Variants in ZNF407 observed in about 807,000 individuals in gnomAD.
ZNF407 encodes the protein zinc finger protein 407.
Under a neutral mutation model 131.2 loss-of-function variants are expected in ZNF407, and 17 were observed. The ratio of observed to expected loss-of-function variants is 0.13; its 90% CI spans 0.09 to 0.19. The LOEUF (loss-of-function observed/expected upper bound fraction) is 0.19, where lower values mean the gene tolerates loss of function less well. Ranked by LOEUF, ZNF407 falls within the 10% of genes least tolerant of loss-of-function variation. The pLI, the probability that ZNF407 is intolerant of heterozygous loss-of-function variation, is 1.00. For synonymous variants in ZNF407, 1,156 were observed against 1,062.0 expected, an observed-to-expected ratio of 1.09 and a Z score of -1.72; for missense variants, 2,681 against 2,830.6, an observed-to-expected ratio of 0.95 and a Z score of 1.20.
At chr18:74,605,994 T>C (rs1982788704) in intron 1 of ZNF407, among the ~76,000 whole-genome samples, 1 of 152,222 alleles carries the variant, frequency 6.6e-6, no homozygotes. Flanking sequence ...CAGAATAATA[T>C]GTTTCTGTGA....
chr18:74,781,041 A>C (rs979377524), intron 3 of ZNF407, among the ~76,000 whole-genome samples: 1 of 152,150 alleles, frequency 6.6e-6, no homozygotes, highest in African/African-American at 2.4e-5. Context: ...TCCTTTAAAT[A>C]TTTAATAAAA....
intron 3 of ZNF407, among the ~76,000 whole-genome samples, chr18:74,722,158 T>C (rs1299621100): frequency 6.6e-6 from 1 of 152,104 alleles, no homozygotes; most frequent in Non-Finnish European, 1.5e-5. Context: ...TAGATTACTG[T>C]GTTTCATCAA....
chr18:74,999,348 TAAAAAAAAAAAAAA>T (rs71170334), intron 8 of ZNF407, among the ~76,000 whole-genome samples: 2 of 60,450 alleles, frequency 3.3e-5, no homozygotes, highest in African/African-American at 5.1e-5. Context: ...TAGAGTATAA[TAAAAAAAAAAAAAA>T]AAAAAAAAAA....
At chr18:74,688,910 C>A (rs1205249103) in intron 3 of ZNF407, among the ~76,000 whole-genome samples, 4 of 152,024 alleles carry the variant, frequency 2.6e-5, no homozygotes, top group African/African-American at 9.7e-5. Context: ...CTCACTGCAA[C>A]CTCTGCCTTC....
At chr18:75,054,432 AAAT>A (rs1283847182) in intron 8 of ZNF407, among the ~76,000 whole-genome samples, 5 of 152,214 alleles carry the variant, frequency 3.3e-5, no homozygotes, top group African/African-American at 1.2e-4. Flanking sequence ...AATATAAAGG[AAAT>A]ATAAACATGA....
chr18:74,940,648 T>A (rs1015208867), intron 8 of ZNF407, among the ~76,000 whole-genome samples: 1 of 152,158 alleles, frequency 6.6e-6, no homozygotes, highest in African/African-American at 2.4e-5. Context: ...CTTGATAAAA[T>A]GTTTAACTTT....
chr18:74,663,136 AG>A (rs1369067165), intron 3 of ZNF407, among the ~76,000 whole-genome samples: 1 of 152,116 alleles, frequency 6.6e-6, no homozygotes, highest in Admixed American at 6.5e-5. Flanking sequence ...TTTTTTTTTA[AG>A]TAAAAACAGT....
chr18:74,663,912 G>A (rs564894938), intron 3 of ZNF407, among the ~76,000 whole-genome samples: 2 of 152,322 alleles, frequency 1.3e-5, no homozygotes, highest in South Asian at 4.2e-4. Context: ...GACCCGGAAG[G>A]TAGAGAGACG....
chr18:74,670,895 G>A (rs1986114898), intron 3 of ZNF407, among the ~76,000 whole-genome samples: 2 of 152,252 alleles, frequency 1.3e-5, no homozygotes, highest in African/African-American at 2.4e-5. Context: ...CAGACTCCTG[G>A]GCTTAAGCAT....
chr18:74,801,470 G>C (rs187683102), intron 4 of ZNF407, among the ~76,000 whole-genome samples: 24 of 152,286 alleles, frequency 1.6e-4, no homozygotes, highest in African/African-American at 4.6e-4. Flanking sequence ...GAAATAGAAT[G>C]TTCCCTCAAA....
In ZNF407 at chr18:74,631,113, G is replaced by T. The variant is rs754424061; in HGVS notation, c.94G>T (p.Asp32Tyr). 1.2e-6 allele frequency: 2 copies of T among 1,613,884 alleles called. No homozygotes were observed. Among genetic ancestry groups the T allele is most frequent in the Non-Finnish European group, 1.7e-6 (2 of 1,179,896 alleles). Reference protein sequence around the residue: ...DLTKLSSHNEDGGPVSDVIAS... With the variant: ...DLTKLSSHNEYGGPVSDVIAS... ...GACAAAGCTTTCATCCCATAATGAA[G>T]ACGGTGGGCCTGTATCTGATGTGAT... is the stretch of plus-strand genomic sequence containing the variant. The change falls in exon 2 of 9, where the codon GAC becomes TAC. Residue 32 changes from aspartate to tyrosine, a missense_variant. Around this residue, in one of 6 missense-constraint regions of ZNF407, gnomAD observed 1,789 missense variants for 1,748.7 expected, o/e 1.02. Transcript: ENST00000299687.
At chr18:74,672,239 GT>G (rs1159449349) in intron 3 of ZNF407, among the ~76,000 whole-genome samples, 1 of 152,164 alleles carries the variant, frequency 6.6e-6, no homozygotes, top group Non-Finnish European at 1.5e-5. Flanking sequence ...GTTTAATACA[GT>G]TATTTGACTG....
intron 8 of ZNF407, among the ~76,000 whole-genome samples, chr18:75,010,361 T>C (rs1972959538): frequency 6.6e-6 from 1 of 152,172 alleles, no homozygotes. Context: ...CAGAGATTTG[T>C]GTGAACTGTT....
At chr18:74,936,611 C>T (rs1038736443) in intron 8 of ZNF407, among the ~76,000 whole-genome samples, 1 of 152,158 alleles carries the variant, frequency 6.6e-6, no homozygotes, top group African/African-American at 2.4e-5. Context: ...ATGGCTAGTT[C>T]CTTCTCTTGC....
At chr18:74,861,972 C>T (rs1970944204) in intron 4 of ZNF407, among the ~76,000 whole-genome samples, 1 of 151,996 alleles carries the variant, frequency 6.6e-6, no homozygotes, top group Non-Finnish European at 1.5e-5. Flanking sequence ...TTCATAGGTG[C>T]TTAGTGAGAA....
intron 7 of ZNF407, among the ~76,000 whole-genome samples, chr18:74,916,330 T>C (rs1971761522): frequency 1.1e-5 from 1 of 92,606 alleles, no homozygotes; most frequent in African/African-American, 5.7e-5. Flanking sequence ...GCAGCATTGG[T>C]TCGAATCGGG....
chr18:74,966,669 A>C (rs766261008), intron 8 of ZNF407, among the ~76,000 whole-genome samples: 1 of 152,126 alleles, frequency 6.6e-6, no homozygotes, highest in African/African-American at 2.4e-5. Flanking sequence ...TTTCATATAA[A>C]TTTTAGGATT....
intron 7 of ZNF407, among the ~76,000 whole-genome samples, chr18:74,908,574 T>C (rs1342362329): frequency 6.6e-6 from 1 of 152,200 alleles, no homozygotes; most frequent in African/African-American, 2.4e-5. Context: ...CTAAACATCG[T>C]TGATAACATG....
intron 4 of ZNF407, among the ~76,000 whole-genome samples, chr18:74,796,939 C>T (rs576908652): frequency 1.3e-5 from 2 of 152,208 alleles, no homozygotes; most frequent in African/African-American, 4.8e-5. Context: ...GTACGGCTGC[C>T]AGCAGTTCAG....
Sources: allele counts gnomAD v4.1 joint callset (sites outside exome capture counted in the v4.1 genomes callset), GRCh38; gene constraint gnomAD v4.1.1; regional missense constraint gnomAD v4.1.1; transcripts MANE v1.5; gene names NCBI Gene and HGNC (gene_info 2026-07-23, HGNC 2026-07-21).